Variants in IRAG2 observed in about 807,000 individuals in gnomAD.
IRAG2 encodes the protein inositol 1,4,5-triphosphate receptor associated 2, also known as lymphoid restricted membrane protein.
Under a neutral mutation model 69.9 loss-of-function variants are expected in IRAG2, and 45 were observed. The ratio of observed to expected loss-of-function variants is 0.64; its 90% CI spans 0.51 to 0.83. The LOEUF is 0.83. Ranked by LOEUF, IRAG2 falls within the 40% of genes least tolerant of loss-of-function variation. The pLI is 0.00. For missense variants in IRAG2, 520 were observed against 587.0 expected (o/e 0.89, Z 1.18); for synonymous variants, 193 against 202.4 (o/e 0.95, Z 0.40).
intron 1 of IRAG2, among the ~76,000 whole-genome samples, chr12:25,059,328 A>C (rs1945456766): frequency 6.6e-6 from 1 of 152,038 alleles, no homozygotes; most frequent in Admixed American, 6.6e-5. Flanking sequence ...TAAATTTTAA[A>C]TTACTTTTGT....
intron 19 of IRAG2, 111 bp from the exon 20 acceptor site, chr12:25,104,248 GAA>G (rs34133737): frequency 1.2e-6 from 1 of 847,884 alleles, no homozygotes; most frequent in Middle Eastern, 2.3e-4. Context: ...AATGTGCCAA[GAA>G]AAAAATAATT....
chr12:25,090,048 T>G lies in IRAG2; in HGVS notation c.466-9T>G, dbSNP rs754062685. ...CCTCTTCCTCACCCTCACATTATTT[T>G]GACAACAGGCAGAATTTCTCAGATT... On this transcript the variant is annotated splice_polypyrimidine_tract_variant and intron_variant, in intron 13 of 21. Coordinates refer to ENST00000556887, the MANE Select transcript of IRAG2 (RefSeq NM_001366544.2). 3 of 1,612,872 alleles carry G rather than the reference T, an allele frequency of 1.9e-6. No homozygotes were observed. The highest frequency in any genetic ancestry group is 3.3e-5 in the Admixed American group (2 of 59,746).
chr12:25,054,648 T>A (rs1254508440), intron 1 of IRAG2, among the ~76,000 whole-genome samples: 1 of 152,196 alleles, frequency 6.6e-6, no homozygotes, highest in African/African-American at 2.4e-5. Context: ...CTGGATAACG[T>A]AGAGTGGACA....
intron 14 of IRAG2, among the ~76,000 whole-genome samples, chr12:25,091,878 C>T (rs1948085860): frequency 6.6e-6 from 1 of 152,276 alleles, no homozygotes; most frequent in South Asian, 2.1e-4. Flanking sequence ...TGCATCTTTT[C>T]ATGTGCTTGC....
chr12:25,039,583 A>G (rs1331027228), intron 16 of IRAG2, among the ~76,000 whole-genome samples: 1 of 152,098 alleles, frequency 6.6e-6, no homozygotes, highest in South Asian at 2.1e-4. Context: ...GGCGCCCGCC[A>G]CCACGCCCAG....
At chr12:25,007,575 G>A (rs185633894) in intron 2 of IRAG2, among the ~76,000 whole-genome samples, 4 of 152,294 alleles carry the variant, frequency 2.6e-5, no homozygotes, top group African/African-American at 9.6e-5. Context: ...AGGCCGGAGT[G>A]CAGTGGTGTG....
intron 5 of IRAG2, among the ~76,000 whole-genome samples, chr12:25,015,687 T>C (rs150598673): frequency 1.3e-3 from 196 of 152,382 alleles, no homozygotes; most frequent in African/African-American, 4.5e-3. Context: ...ATTAATTTCC[T>C]GTGCTTTCTG....
At chr12:25,011,882 T>G (rs560545654) in intron 3 of IRAG2, among the ~76,000 whole-genome samples, 1 of 152,284 alleles carries the variant, frequency 6.6e-6, no homozygotes, top group African/African-American at 2.4e-5. Context: ...AGAATTGAGC[T>G]GACATACGAG....
At chr12:25,055,564 C>G (rs983805677) in intron 1 of IRAG2, among the ~76,000 whole-genome samples, 7 of 152,100 alleles carry the variant, frequency 4.6e-5, no homozygotes, top group African/African-American at 1.7e-4. Flanking sequence ...CCCATTAACT[C>G]GTCATTTACA....
chr12:25,033,956 T>A (rs775757696), intron 13 of IRAG2: 3 of 398,854 alleles, frequency 7.5e-6, no homozygotes, highest in Non-Finnish European at 1.3e-5. Flanking sequence ...AGGTAGGTCA[T>A]TATAAGAAGA....
At chr12:25,010,955 GA>G (rs1174838147) in intron 2 of IRAG2, among the ~76,000 whole-genome samples, 3 of 151,968 alleles carry the variant, frequency 2.0e-5, no homozygotes, top group South Asian at 2.1e-4. Context: ...CTAAAGTAGA[GA>G]AAAAAACTTC....
intron 20 of IRAG2, among the ~76,000 whole-genome samples, chr12:25,106,049 C>G (rs1949077869): frequency 6.6e-6 from 1 of 151,940 alleles, no homozygotes; most frequent in South Asian, 2.1e-4. Flanking sequence ...TTTCCCAGTT[C>G]ACTGAATACT....
intron 9 of IRAG2, among the ~76,000 whole-genome samples, chr12:25,027,153 A>G (rs1944628605): frequency 6.6e-6 from 1 of 152,056 alleles, no homozygotes; most frequent in African/African-American, 2.4e-5. Context: ...CATCTCCAAA[A>G]TCAAGTTTAA....
At chr12:25,051,829 T>C (rs1944880637), upstream of IRAG2, among the ~76,000 whole-genome samples, 1 of 152,210 alleles carries the variant, frequency 6.6e-6, no homozygotes, top group Admixed American at 6.5e-5. Flanking sequence ...CCCCCTACCT[T>C]TACCCCATTC....
At chr12:25,047,873 T>G (rs553756203), upstream of IRAG2, among the ~76,000 whole-genome samples, 1 of 152,328 alleles carries the variant, frequency 6.6e-6, no homozygotes, top group Non-Finnish European at 1.5e-5. Context: ...GATGGGCATT[T>G]TGGTTGACTC....
At chr12:25,099,227 T>C (rs1369549402) in intron 15 of IRAG2, among the ~76,000 whole-genome samples, 1 of 152,152 alleles carries the variant, frequency 6.6e-6, no homozygotes, top group Non-Finnish European at 1.5e-5. Context: ...CTTGGATGTT[T>C]GATAAACTCA....
At chr12:25,017,030 AAC>A in intron 5 of IRAG2, 2 of 882,146 alleles carry the variant, frequency 2.3e-6, no homozygotes, top group Non-Finnish European at 3.0e-6. Flanking sequence ...AAAAAAAAAA[AAC>A]TCACCAGAAT....
chr12:25,070,906 T>C (rs554790227), intron 6 of IRAG2, among the ~76,000 whole-genome samples: 14 of 152,216 alleles, frequency 9.2e-5, no homozygotes, highest in African/African-American at 2.2e-4. Flanking sequence ...TTTTCATGTG[T>C]TTGTTGGCCA....
intron 2 of IRAG2, among the ~76,000 whole-genome samples, chr12:25,062,417 C>T (rs998574166): frequency 1.3e-5 from 2 of 152,094 alleles, no homozygotes; most frequent in Non-Finnish European, 2.9e-5. Flanking sequence ...TCAAGAACAC[C>T]AACAACATTT....
Sources: gnomAD v4.1 joint callset for allele counts (sites outside exome capture counted in the v4.1 genomes callset) on GRCh38, gnomAD v4.1.1 for gene constraint, MANE v1.5 for transcripts, NCBI Gene and HGNC (gene_info 2026-07-23, HGNC 2026-07-21) for gene names.